SRSF11: variants seen among roughly 807,000 people sequenced by gnomAD.
SRSF11 encodes serine and arginine rich splicing factor 11, also known as serine/arginine-rich splicing factor 11.
SRSF11 carries 9 observed loss-of-function variants against 56.0 expected under a neutral mutation model. That is an observed-to-expected ratio of 0.16 (90% CI 0.10 to 0.28). The LOEUF (loss-of-function observed/expected upper bound fraction) is 0.28, where lower values mean the gene tolerates loss of function less well. SRSF11 is among the 10% of genes least tolerant of loss of function. The pLI, the probability that SRSF11 is intolerant of heterozygous loss-of-function variation, is 1.00. For synonymous variants in SRSF11, 222 were observed against 215.3 expected (o/e 1.03, Z -0.27); for missense variants, 421 against 600.7 (o/e 0.70, Z 3.13).
intron 1 of SRSF11, among the ~76,000 whole-genome samples, chr1:70,213,788 T>C (rs751260209): frequency 2.0e-5 from 3 of 152,132 alleles, no homozygotes; most frequent in Admixed American, 6.6e-5. Flanking sequence ...AATAAGGAAA[T>C]TGAAGCACCA....
intron 6 of SRSF11, 91 bp downstream of exon 6, chr1:70,237,643 G>A (rs1480313480): frequency 8.6e-6 from 13 of 1,517,040 alleles, no homozygotes; most frequent in South Asian, 6.1e-5. Context: ...CACCCTAGTC[G>A]TTTAAAATGT....
upstream of SRSF11, chr1:70,205,716 T>G: frequency 1.8e-6 from 1 of 562,778 alleles, no homozygotes; most frequent in Non-Finnish European, 3.0e-6. Flanking sequence ...GCGCCTGGGC[T>G]GGAGGACAGA....
chr1:70,235,607 T>TA (rs1558193122), intron 5 of SRSF11, 57 bp downstream of exon 5: 5 of 1,536,242 alleles, frequency 3.3e-6, no homozygotes, highest in East Asian at 4.5e-5. Context: ...TCTACAGAAT[T>TA]AGAGTTTTTT....
intron 1 of SRSF11, among the ~76,000 whole-genome samples, chr1:70,227,471 G>A (rs979553040): frequency 6.6e-6 from 1 of 152,000 alleles, no homozygotes; most frequent in Non-Finnish European, 1.5e-5. Context: ...TGAAGAGTGT[G>A]GATTACCCCC....
rs951752254 is a variant in SRSF11 at position 70,231,797 on chromosome 1, A to C, written c.338-471A>C. 5 of 1,355,700 alleles carry C rather than the reference A, an allele frequency of 3.7e-6. No individual in the cohort carries two copies. The East Asian group carries it at 1.7e-4, about 46-fold the overall frequency. 84.0% of individuals were successfully genotyped at this position (1,355,700 alleles called of 1,614,324 possible). A position where few individuals can be genotyped will look rare whatever the true frequency, so the allele number is the denominator to read the frequency against. ...AAAATCATAGTAACTGTACCATATT[A>C]TTAACCCCTAAATCAAACTTTTTTT... On this transcript the variant is annotated intron_variant, in intron 2 of 11. Coordinates refer to ENST00000370949, the MANE Select transcript of SRSF11 (RefSeq NM_001350605.2).
chr1:70,252,116 A>C lies in SRSF11; in HGVS notation c.*1311A>C, dbSNP rs964361160. ...TTCTGTCCACATATTTCAGTATAGTAAAAAGAGGAAGTCTATCACTGTAGT... is the reference window on the plus strand; with the variant it reads ...TTCTGTCCACATATTTCAGTATAGTCAAAAGAGGAAGTCTATCACTGTAGT... On this transcript the variant is annotated 3_prime_UTR_variant, in exon 12 of 12. Coordinates refer to ENST00000370949, the MANE Select transcript of SRSF11 (RefSeq NM_001350605.2). The C allele has an allele frequency of 3.9e-5, 6 of 152,554 alleles. No homozygotes were observed. The highest frequency in any genetic ancestry group is 8.8e-5 in the Non-Finnish European group (6 of 67,988). 9.5% of individuals were successfully genotyped at this position (152,554 alleles called of 1,614,324 possible).
chr1:70,230,739 C>T (rs1315918611), intron 2 of SRSF11: 25 of 1,170,136 alleles, frequency 2.1e-5, no homozygotes, highest in Non-Finnish European at 1.4e-5. Flanking sequence ...TATCAGGTGT[C>T]TCACAATAAA....
At chr1:70,212,151 T>A (rs1459811304) in intron 1 of SRSF11, among the ~76,000 whole-genome samples, 1 of 152,212 alleles carries the variant, frequency 6.6e-6, no homozygotes, top group Admixed American at 6.5e-5. Flanking sequence ...TTAATTTTAG[T>A]AAAGTTGTGA....
At position 70,221,517 on chromosome 1, in the gene SRSF11, C is replaced by G; in HGVS notation, c.-120C>G. 4 of 1,340,488 alleles carry G rather than the reference C, an allele frequency of 3.0e-6. No homozygotes were observed. The highest frequency in any genetic ancestry group is 2.0e-4 in the Middle Eastern group (1 of 4,888). 83.0% of individuals were successfully genotyped at this position (1,340,488 alleles called of 1,614,324 possible). A position where few individuals can be genotyped will look rare whatever the true frequency, so the allele number is the denominator to read the frequency against. ...GCGGCGGCGGCATCGGCAGCAGTAGCAGAGGCTGTAGCATCGGACACCCTC... is the reference window on the plus strand; with the variant it reads ...GCGGCGGCGGCATCGGCAGCAGTAGGAGAGGCTGTAGCATCGGACACCCTC... On this transcript the variant is annotated 5_prime_UTR_variant, in exon 1 of 12. Transcript: ENST00000370949.
At chr1:70,219,108 T>G (rs1282474023), upstream of SRSF11, among the ~76,000 whole-genome samples, 5 of 152,340 alleles carry the variant, frequency 3.3e-5, no homozygotes, top group East Asian at 7.7e-4. Flanking sequence ...TTTTAAATGT[T>G]AGGATTAGGG....
chr1:70,224,952 AC>A (rs1392911804), intron 1 of SRSF11, among the ~76,000 whole-genome samples: 1 of 152,106 alleles, frequency 6.6e-6, no homozygotes, highest in African/African-American at 2.4e-5. Flanking sequence ...AATGTTTTTG[AC>A]CCTGTTTTAC....
intron 6 of SRSF11, 49 bp from the exon 7 acceptor site, chr1:70,239,390 C>A (rs757637107): frequency 1.9e-5 from 26 of 1,349,440 alleles, no homozygotes; most frequent in Admixed American, 9.9e-5. Flanking sequence ...CTGCGTCTGG[C>A]CCCTATTTAA....
In SRSF11 at chr1:70,235,489, T is replaced by C. The variant is rs1462788904; in HGVS notation, c.541-12T>C. On this transcript the variant is annotated splice_polypyrimidine_tract_variant and intron_variant, in intron 4 of 11. Transcript: ENST00000370949. Reference sequence around the variant, plus strand: ...TATGTATTCTCATTATTCTTATGTTTTATTTTTACAGTCTCTTGCTGCAGA... The same window carrying C: ...TATGTATTCTCATTATTCTTATGTTCTATTTTTACAGTCTCTTGCTGCAGA... The C allele has an allele frequency of 6.2e-7, 1 of 1,601,914 alleles. No individual in the cohort carries two copies.
At chr1:70,219,869 C>A (rs1237703993), upstream of SRSF11, among the ~76,000 whole-genome samples, 2 of 152,234 alleles carry the variant, frequency 1.3e-5, no homozygotes, top group Admixed American at 1.3e-4. Flanking sequence ...TCTAATCTCT[C>A]ACATATTGCA....
intron 1 of SRSF11, among the ~76,000 whole-genome samples, chr1:70,210,277 C>T (rs1669444342): frequency 6.6e-6 from 1 of 151,908 alleles, no homozygotes; most frequent in Non-Finnish European, 1.5e-5. Flanking sequence ...CCTCCCCATG[C>T]CCCCCAGTAG....
rs1001324721 is a variant in SRSF11 at position 70,252,878 on chromosome 1, C to T, written c.*2073C>T. The T allele has an allele frequency of 1.3e-5, 2 of 151,936 alleles. No homozygotes were observed. The highest frequency in any genetic ancestry group is 4.8e-5 in the African/African-American group (2 of 41,370). 9.4% of individuals were successfully genotyped at this position (151,936 alleles called of 1,614,324 possible). ...ACAAGATGCTACAGTGAAGATTATC[C>T]ATTCTTAGGATATTTATTTTCAGTG... On this transcript the variant is annotated 3_prime_UTR_variant, in exon 12 of 12. Transcript: ENST00000370949.
intron 7 of SRSF11, among the ~76,000 whole-genome samples, chr1:70,242,553 C>T (rs1483479299): frequency 6.6e-6 from 1 of 151,650 alleles, no homozygotes; most frequent in East Asian, 2.0e-4. Flanking sequence ...GTTTGCCCAC[C>T]TCGGCCTCCC....
intron 1 of SRSF11, among the ~76,000 whole-genome samples, chr1:70,223,611 T>G (rs1558160043): frequency 6.6e-6 from 1 of 152,188 alleles, no homozygotes; most frequent in Non-Finnish European, 1.5e-5. Flanking sequence ...ACTCCTTCAT[T>G]TATCTTCCCA....
chr1:70,210,948 G>A (rs1403144249), intron 1 of SRSF11, among the ~76,000 whole-genome samples: 1 of 152,090 alleles, frequency 6.6e-6, no homozygotes, highest in African/African-American at 2.4e-5. Flanking sequence ...CTGAAACAAG[G>A]GTGGTGGTAA....
Sources: allele counts gnomAD v4.1 joint callset (sites outside exome capture counted in the v4.1 genomes callset), GRCh38; gene constraint gnomAD v4.1.1; transcripts MANE v1.5; gene names NCBI Gene and HGNC (gene_info 2026-07-23, HGNC 2026-07-21).